Variants in BRIP1 observed in about 807,000 individuals in gnomAD.
BRIP1 encodes Fanconi anemia group J protein.
BRIP1 carries 88 observed loss-of-function variants against 119.7 expected under a neutral mutation model. The ratio of observed to expected loss-of-function variants is 0.74; its 90% CI spans 0.62 to 0.88. The LOEUF (loss-of-function observed/expected upper bound fraction) is 0.88. BRIP1 is among the 40% of genes least tolerant of loss of function. The pLI is 0.00. For missense variants in BRIP1, 1,259 were observed against 1,455.4 expected (o/e 0.87, Z 2.20); for synonymous variants, 443 against 496.5 (o/e 0.89, Z 1.43).
At chr17:61,723,678 C>T (rs538837362) in intron 16 of BRIP1, among the ~76,000 whole-genome samples, 58 of 152,298 alleles carry the variant, frequency 3.8e-4, no homozygotes, top group African/African-American at 1.4e-3. Flanking sequence ...TTTTCAAATA[C>T]ATTTTACAAG....
rs2078128217 is a variant in BRIP1 at position 61,809,366 on chromosome 17, T to C, written c.628-609A>G. The stretch of plus-strand genomic sequence containing the variant: ...GCAGGTTGCTTGTGTGGAACAAGTA[T>C]ATCTGAAATTCAGTTACCTGTCATG... On this transcript the variant is annotated intron_variant, in intron 6 of 19. Coordinates refer to ENST00000259008, the MANE Select transcript of BRIP1 (RefSeq NM_032043.3). This position sits in a 1 kb window ranked among gnomAD's most constrained non-coding sequence, Gnocchi z 5.2. 6.6e-6 allele frequency among the ~76,000 whole-genome samples: 1 copy of C among 152,190 alleles called. No homozygotes were observed.
rs1243017624 is a variant in BRIP1, at chr17:61,713,066, T to C, written c.2492+2885A>G. ...TGATAGTGGTCCCATAAGATTATAA[T>C]GGAGCTGAAAAATTCCTATCACCTA... On this transcript the variant is annotated intron_variant, in intron 17 of 19. Coordinates refer to ENST00000259008, the MANE Select transcript of BRIP1 (RefSeq NM_032043.3). The surrounding 1 kb of genome is among the most constrained non-coding windows in gnomAD (Gnocchi z 4.9). Among the ~76,000 whole-genome samples the C allele has an allele frequency of 6.6e-6, 1 of 152,172 alleles. No homozygotes were observed. The highest frequency in any genetic ancestry group is 2.4e-5 in the African/African-American group (1 of 41,438).
chr17:61,707,191 A>G (rs1313987406), intron 17 of BRIP1, among the ~76,000 whole-genome samples: 1 of 152,098 alleles, frequency 6.6e-6, no homozygotes, highest in Non-Finnish European at 1.5e-5. Context: ...CAAATCAAAA[A>G]TTTCCCTAAA....
chr17:61,830,518 CACTT>C (rs951710645), intron 6 of BRIP1, among the ~76,000 whole-genome samples: 2 of 151,904 alleles, frequency 1.3e-5, no homozygotes, highest in African/African-American at 2.4e-5. Context: ...ATCCTACAGA[CACTT>C]AAAGAAATAA....
Position 61,799,052 on chromosome 17 carries a change from T to C in BRIP1, c.1340+48A>G. On this transcript the variant is annotated intron_variant, in intron 9 of 19. Coordinates refer to ENST00000259008, the MANE Select transcript of BRIP1 (RefSeq NM_032043.3). The surrounding 1 kb of genome is among the most constrained non-coding windows in gnomAD (Gnocchi z 5.1). ...AATACTCTGGCATAATCAAACATATTTTTCATATAAAGGCAGCACAAATAC... is the reference window on the plus strand; with the variant it reads ...AATACTCTGGCATAATCAAACATATCTTTCATATAAAGGCAGCACAAATAC... 6.5e-7 allele frequency: 1 copy of C among 1,541,598 alleles called. No homozygotes were observed. The highest frequency in any genetic ancestry group is 1.7e-4 in the Middle Eastern group (1 of 5,898).
rs371102511 is a variant in BRIP1, at chr17:61,768,192, A to G, written c.2097+8209T>C. ...TATGTACTCAATAATGATTTCTTCA[A>G]TGGATTAAGTAAATAAAAATAAATG... On this transcript the variant is annotated intron_variant, in intron 14 of 19. Transcript: ENST00000259008. This position sits in a 1 kb window ranked among gnomAD's most constrained non-coding sequence, Gnocchi z 5.0. Among the ~76,000 whole-genome samples, 2 of 152,184 alleles carry G rather than the reference A, an allele frequency of 1.3e-5. No individual in the cohort carries two copies. The highest frequency in any genetic ancestry group is 4.8e-5 in the African/African-American group (2 of 41,446).
At position 61,683,350 on chromosome 17, in the gene BRIP1, C is replaced by G; in HGVS notation, c.3696G>C (p.Lys1232Asn). 2 of 1,611,474 alleles carry G rather than the reference C, an allele frequency of 1.2e-6. No individual in the cohort carries two copies. Among genetic ancestry groups the G allele is most frequent in the Non-Finnish European group, 1.7e-6 (2 of 1,178,400 alleles). The change falls in exon 20 of 20, where the codon AAG (lysine) becomes AAC (asparagine). Residue 1232 changes from lysine (K) to asparagine (N), a missense_variant. Coordinates refer to ENST00000259008, the MANE Select transcript of BRIP1 (RefSeq NM_032043.3). This position sits in a 1 kb window ranked among gnomAD's most constrained non-coding sequence, Gnocchi z 4.7. ...ELGKTHEIEI[K>N]NFKPSPSKNK... ...TTTTGGAAGGAGATGGTTTAAAGTT[C>G]TTTATTTCTATTTCATGAGTTTTTC...
intron 14 of BRIP1, among the ~76,000 whole-genome samples, chr17:61,765,379 TTATATATATATATATATA>T (rs1287538931): frequency 2.1e-3 from 81 of 37,740 alleles, no homozygotes; most frequent in African/African-American, 4.7e-3. Context: ...TGTGTATATA[TTATATATATATATATATA>T]TATATATATA....
rs2145027350 is a variant in BRIP1, at chr17:61,776,435, C to T, written c.2063G>A (p.Ser688Asn). Residue 688 changes from serine (S) to asparagine (N), a missense_variant, in exon 14 of 20, where the codon AGC becomes AAC. Physicochemically the swap from Ser to Asn is conservative, Grantham distance 46. Transcript: ENST00000259008. This position sits in a 1 kb window ranked among gnomAD's most constrained non-coding sequence, Gnocchi z 5.0. The stretch of plus-strand genomic sequence containing the variant: ...TGGCAAGAAACACAAAATTCCTTGG[C>T]TCACAGTCTGGCACACAGATAACAA... ...ALLLSVCQTV[S>N]QGILCFLPSY... 1 of 1,614,130 alleles carries T rather than the reference C, an allele frequency of 6.2e-7. No homozygotes were observed. Among genetic ancestry groups the T allele is most frequent in the Admixed American group, 1.7e-5 (1 of 60,020 alleles).
At chr17:61,765,372 GTATATATTATATATATA>G (rs1238833854) in intron 14 of BRIP1, among the ~76,000 whole-genome samples, 1 of 61,552 alleles carries the variant, frequency 1.6e-5, no homozygotes, top group East Asian at 4.3e-4. Context: ...GTGTGTGTGT[GTATATATTATATATATA>G]TATATATATA....
intron 6 of BRIP1, among the ~76,000 whole-genome samples, chr17:61,835,696 T>TA (rs546583149): frequency 4.0e-3 from 570 of 144,240 alleles, no homozygotes; most frequent in Non-Finnish European, 5.8e-3. Context: ...CACATACTGT[T>TA]AAAAAAAAAA....
At position 61,730,161 on chromosome 17, in the gene BRIP1, C is replaced by G. The variant is rs1204286927; in HGVS notation, c.2379+12852G>C. 6.6e-6 allele frequency among the ~76,000 whole-genome samples: 1 copy of G among 152,066 alleles called. No individual in the cohort carries two copies. The highest frequency in any genetic ancestry group is 1.5e-5 in the Non-Finnish European group (1 of 67,998). On this transcript the variant is annotated intron_variant, in intron 16 of 19. Transcript: ENST00000259008. The surrounding 1 kb of genome is among the most constrained non-coding windows in gnomAD (Gnocchi z 4.3). ...CTGAACTCATTCCCAAGCTTTCAAG[C>G]CTTTAATCCTAGGGAAAAACAGGAA... is the stretch of plus-strand genomic sequence containing the variant.
At position 61,810,589 on chromosome 17, in the gene BRIP1, TTCTA is replaced by T. The variant is rs1365018836; in HGVS notation, c.628-1836_628-1833del. On this transcript the variant is annotated intron_variant, in intron 6 of 19. Transcript: ENST00000259008. This position sits in a 1 kb window ranked among gnomAD's most constrained non-coding sequence, Gnocchi z 4.7. ...CACTGTTATGTACTATATAGATACA[TTCTA>T]TCTAAGCATAAAAGTAATCCAATAA... is the stretch of plus-strand genomic sequence containing the variant. 2.0e-5 allele frequency among the ~76,000 whole-genome samples: 3 copies of T among 152,186 alleles called. No individual in the cohort carries two copies. The highest frequency in any genetic ancestry group is 2.9e-5 in the Non-Finnish European group (2 of 68,012).
rs1298811362 is a variant in BRIP1 at position 61,684,202 on chromosome 17, T to A, written c.2906-62A>T. ...CTCCTAGCTAACATAATTGCTAGGT[T>A]AAAATAATTATTTATTAGAAATACC... On this transcript the variant is annotated intron_variant, in intron 19 of 19. Coordinates refer to ENST00000259008, the MANE Select transcript of BRIP1 (RefSeq NM_032043.3). This position sits in a 1 kb window ranked among gnomAD's most constrained non-coding sequence, Gnocchi z 4.5. The A allele has an allele frequency of 6.5e-7, 1 of 1,538,886 alleles. No individual in the cohort carries two copies. Among genetic ancestry groups the A allele is most frequent in the Admixed American group, 1.8e-5 (1 of 55,536 alleles).
chr17:61,826,929 C>A (rs1456736219), intron 6 of BRIP1, among the ~76,000 whole-genome samples: 1 of 151,868 alleles, frequency 6.6e-6, no homozygotes, highest in Non-Finnish European at 1.5e-5. Flanking sequence ...GGGTATATAC[C>A]CAAAGAAATA....
rs1277526096 is a variant in BRIP1, at chr17:61,743,935, C to T, written c.2257+497G>A. Among the ~76,000 whole-genome samples the T allele has an allele frequency of 2.0e-5, 3 of 152,138 alleles. No homozygotes were observed. The highest frequency in any genetic ancestry group is 6.5e-5 in the Admixed American group (1 of 15,274). ...CTCCTGGGCTCAAGTGATCCACCCG[C>T]CTCAGCCTCCCAAAGCGCTAGGATT... On this transcript the variant is annotated intron_variant, in intron 15 of 19. Transcript: ENST00000259008. The surrounding 1 kb of genome is among the most constrained non-coding windows in gnomAD (Gnocchi z 4.3).
rs1222632050 is a variant in BRIP1, at chr17:61,686,348, T to C, written c.2576-183A>G. Among the ~76,000 whole-genome samples, 1 of 152,216 alleles carries C rather than the reference T, an allele frequency of 6.6e-6. No homozygotes were observed. Among genetic ancestry groups the C allele is most frequent in the Non-Finnish European group, 1.5e-5 (1 of 68,030 alleles). ...TTACTACATATGTATCAGTAACATATGAGTAACATTCTCTTTATATACAGT... is the reference window on the plus strand; with the variant it reads ...TTACTACATATGTATCAGTAACATACGAGTAACATTCTCTTTATATACAGT... On this transcript the variant is annotated intron_variant, in intron 18 of 19. Coordinates refer to ENST00000259008, the MANE Select transcript of BRIP1 (RefSeq NM_032043.3). This position sits in a 1 kb window ranked among gnomAD's most constrained non-coding sequence, Gnocchi z 5.4.
In BRIP1 at chr17:61,769,002, A is replaced by G. The variant is rs12950190; in HGVS notation, c.2097+7399T>C. 0.59 allele frequency among the ~76,000 whole-genome samples: 90,155 copies of G among 151,678 alleles called. 27,870 individuals are homozygous for G. The highest frequency in any genetic ancestry group is 0.68 in the Non-Finnish European group (46,220 of 67,778). Reference sequence around the variant, plus strand: ...ACGTTGTTGAGAGGGCGATATGACTAGGACCTGAATGCAACCTTTAAGACC... The same window carrying G: ...ACGTTGTTGAGAGGGCGATATGACTGGGACCTGAATGCAACCTTTAAGACC... On this transcript the variant is annotated intron_variant, in intron 14 of 19. Transcript: ENST00000259008. This position sits in a 1 kb window ranked among gnomAD's most constrained non-coding sequence, Gnocchi z 4.9.
chr17:61,833,378 A>G (rs1371142126), intron 6 of BRIP1, among the ~76,000 whole-genome samples: 1 of 152,194 alleles, frequency 6.6e-6, no homozygotes, highest in Non-Finnish European at 1.5e-5. Context: ...TCAAAAAATT[A>G]TAATTACTGG....
Sources: gnomAD v4.1 joint callset for allele counts (sites outside exome capture counted in the v4.1 genomes callset) on GRCh38, gnomAD v4.1.1 for gene constraint, Gnocchi (gnomAD v3.1) non-coding constraint, MANE v1.5 for transcripts, NCBI Gene and HGNC (gene_info 2026-07-23, HGNC 2026-07-21) for gene names.